TTC23L: variants seen among roughly 807,000 people sequenced by gnomAD.
TTC23L encodes tetratricopeptide repeat domain 23 like.
In TTC23L, 42 loss-of-function variants were observed where a neutral mutation model predicts 48.1. The ratio of observed to expected loss-of-function variants is 0.87; its 90% CI spans 0.68 to 1.13. The LOEUF is 1.13. Ranked by LOEUF, TTC23L falls within the 50% of genes most tolerant of loss-of-function variation. TTC23L has a pLI of 0.00. For missense variants in TTC23L, 391 were observed against 421.0 expected (o/e 0.93, Z 0.62); for synonymous variants, 159 against 157.2 (o/e 1.01, Z -0.09).
chr5:34,850,193 A>G (rs778781254), exon 4 of TTC23L: 2 of 1,613,888 alleles, frequency 1.2e-6, no homozygotes, highest in Non-Finnish European at 1.7e-6. Context: ...AGAATACTCA[A>G]GCAAACAAGG....
At chr5:34,915,815 C>G in the TTC23L span, 6 of 1,579,022 alleles carry the variant, frequency 3.8e-6, no homozygotes, top group South Asian at 1.2e-5. Flanking sequence ...GAAATAGATG[C>G]GGAGCCGCCA....
At chr5:34,889,108 G>C (rs1762703373) in intron 9 of TTC23L, among the ~76,000 whole-genome samples, 1 of 152,096 alleles carries the variant, frequency 6.6e-6, no homozygotes, top group Non-Finnish European at 1.5e-5. Flanking sequence ...TCTCAGAATA[G>C]TATTGACCTC....
At chr5:34,880,412 A>C in intron 9 of TTC23L, 104 bp downstream of exon 9, 1 of 1,222,728 alleles carries the variant, frequency 8.2e-7, no homozygotes, top group East Asian at 2.6e-5. Flanking sequence ...TAGGTCCCAG[A>C]TAAAACTAGG....
At position 34,875,885 on chromosome 5, in the gene TTC23L, C is replaced by T. The variant is rs114272358; in HGVS notation, c.950-4296C>T. 6.9e-3 allele frequency among the ~76,000 whole-genome samples: 1,056 copies of T among 152,262 alleles called. 11 individuals are homozygous for T. The highest frequency in any genetic ancestry group is 0.024 in the African/African-American group (1,001 of 41,540). ...AACATTCACCATGATAGACCACATTCGGGGCCATAAAACACACCCTAACAA... is the reference window on the plus strand; with the variant it reads ...AACATTCACCATGATAGACCACATTTGGGGCCATAAAACACACCCTAACAA... On this transcript the variant is annotated intron_variant, in intron 8 of 10. Transcript: ENST00000505624.
At chr5:34,857,642 T>C (rs1004459088) in intron 4 of TTC23L, among the ~76,000 whole-genome samples, 4 of 152,176 alleles carry the variant, frequency 2.6e-5, no homozygotes, top group African/African-American at 9.7e-5. Context: ...AAATGGACCT[T>C]GGTAATAATA....
the TTC23L span, among the ~76,000 whole-genome samples, chr5:34,911,146 G>T: frequency 6.6e-6 from 1 of 152,238 alleles, no homozygotes; most frequent in South Asian, 2.1e-4. Flanking sequence ...GATACTTAGT[G>T]AATGAATGAG....
intron 9 of TTC23L, among the ~76,000 whole-genome samples, chr5:34,885,830 A>T (rs890509634): frequency 4.6e-5 from 7 of 152,168 alleles, no homozygotes; most frequent in Non-Finnish European, 1.0e-4. Flanking sequence ...GTGTGTATGC[A>T]TGTATATTTA....
chr5:34,909,685 AGACCTTGAT>A, the TTC23L span, among the ~76,000 whole-genome samples: 1 of 152,200 alleles, frequency 6.6e-6, no homozygotes, highest in Non-Finnish European at 1.5e-5. Flanking sequence ...GACTCATGGA[AGACCTTGAT>A]CTAAGTCTAC....
chr5:34,851,876 G>A (rs1204184367), intron 4 of TTC23L, among the ~76,000 whole-genome samples: 2 of 152,142 alleles, frequency 1.3e-5, no homozygotes, highest in African/African-American at 4.8e-5. Context: ...TATGCTCTAG[G>A]AGCACACAGG....
intron 3 of TTC23L, among the ~76,000 whole-genome samples, chr5:34,848,376 GATTC>G (rs1388512676): frequency 6.6e-6 from 1 of 152,136 alleles, no homozygotes; most frequent in Non-Finnish European, 1.5e-5. Context: ...GCTAATAAAT[GATTC>G]ATTCAGCAAA....
At chr5:34,923,358 C>T in the TTC23L span, 9 of 693,848 alleles carry the variant, frequency 1.3e-5, no homozygotes, top group African/African-American at 1.4e-4. Flanking sequence ...TGGCTCACTG[C>T]AACCTCCACC....
the TTC23L span, chr5:34,909,279 C>A: frequency 1.3e-5 from 21 of 1,610,050 alleles, no homozygotes; most frequent in South Asian, 2.3e-4. Context: ...GGTCTGATTA[C>A]AATGAAATGC....
At chr5:34,917,207 T>C in the TTC23L span, among the ~76,000 whole-genome samples, 1 of 152,168 alleles carries the variant, frequency 6.6e-6, no homozygotes, top group Non-Finnish European at 1.5e-5. Context: ...TAGAGCCAGA[T>C]TGGATTGCAT....
chr5:34,876,956 T>C (rs534746954), intron 8 of TTC23L, among the ~76,000 whole-genome samples: 9 of 152,076 alleles, frequency 5.9e-5, no homozygotes, highest in African/African-American at 2.2e-4. Flanking sequence ...CTGCACATTC[T>C]GCACATGTAC....
At chr5:34,855,606 C>A (rs1760063507) in intron 4 of TTC23L, among the ~76,000 whole-genome samples, 1 of 152,146 alleles carries the variant, frequency 6.6e-6, no homozygotes, top group African/African-American at 2.4e-5. Context: ...CAGCATCATT[C>A]ATGATAGGAA....
intron 5 of TTC23L, among the ~76,000 whole-genome samples, chr5:34,864,123 A>T (rs1760875647): frequency 6.6e-6 from 1 of 152,120 alleles, no homozygotes; most frequent in Non-Finnish European, 1.5e-5. Flanking sequence ...AAAATGAATA[A>T]CTATTGTCAT....
the TTC23L span, among the ~76,000 whole-genome samples, chr5:34,917,516 T>C: frequency 6.7e-6 from 1 of 150,254 alleles, no homozygotes; most frequent in African/African-American, 2.4e-5. Flanking sequence ...GGCGGGCACC[T>C]GTAATCCCAG....
intron 4 of TTC23L, among the ~76,000 whole-genome samples, chr5:34,858,557 A>C (rs72732820): frequency 0.35 from 53,065 of 151,952 alleles, 10,511 homozygotes; most frequent in South Asian, 0.45. Context: ...CTCCCTTATC[A>C]CTAAAAGAAA....
At chr5:34,858,693 A>G (rs1285974302) in intron 4 of TTC23L, among the ~76,000 whole-genome samples, 1 of 151,986 alleles carries the variant, frequency 6.6e-6, no homozygotes, top group East Asian at 1.9e-4. Context: ...TAAAAAAAAA[A>G]TAGAGAAGTT....
Sources: allele counts gnomAD v4.1 joint callset (sites outside exome capture counted in the v4.1 genomes callset), GRCh38; gene constraint gnomAD v4.1.1; transcripts MANE v1.5; gene names NCBI Gene and HGNC (gene_info 2026-07-23, HGNC 2026-07-21).